ZFPM2: variants seen among roughly 807,000 people sequenced by gnomAD.
ZFPM2 encodes zinc finger protein, FOG family member 2.
A neutral mutation model predicts 98.6 loss-of-function variants in ZFPM2; 20 were observed. That is an observed-to-expected ratio of 0.20 (90% CI 0.14 to 0.29). The LOEUF is 0.29. Among genes scored for constraint, ZFPM2 ranks in the 10% least tolerant of loss-of-function variants. The pLI, the probability that ZFPM2 is intolerant of heterozygous loss-of-function variation, is 1.00. For missense variants in ZFPM2, 1,310 were observed against 1,388.6 expected, an observed-to-expected ratio of 0.94 and a Z score of 0.90; for synonymous variants, 518 against 502.7, an observed-to-expected ratio of 1.03 and a Z score of -0.41.
At chr8:105,609,638 T>C (rs72673770) in intron 4 of ZFPM2, among the ~76,000 whole-genome samples, 15,219 of 152,232 alleles carry the variant, frequency 0.1, 1,015 homozygotes, top group Middle Eastern at 0.22. Flanking sequence ...TTGGTTTAAC[T>C]GTAAAAAGAG....
intron 1 of ZFPM2, among the ~76,000 whole-genome samples, chr8:105,407,133 C>A (rs1176415472): frequency 7.1e-6 from 1 of 141,530 alleles, no homozygotes; most frequent in Admixed American, 7.2e-5. Context: ...TTTGCATTTG[C>A]TGATAGGATT....
intron 5 of ZFPM2, among the ~76,000 whole-genome samples, chr8:105,664,280 A>G (rs1472834072): frequency 1.3e-5 from 2 of 151,780 alleles, no homozygotes; most frequent in Non-Finnish European, 2.9e-5. Flanking sequence ...ATATCAAATA[A>G]TCACTTTCAT....
chr8:105,377,052 C>A (rs1317979178), intron 1 of ZFPM2, among the ~76,000 whole-genome samples: 1 of 152,166 alleles, frequency 6.6e-6, no homozygotes, highest in African/African-American at 2.4e-5. Context: ...CTCAGACATG[C>A]CATGTTTATT....
chr8:105,637,394 T>G (rs1816866308), intron 5 of ZFPM2, among the ~76,000 whole-genome samples: 1 of 152,254 alleles, frequency 6.6e-6, no homozygotes, highest in South Asian at 2.1e-4. Context: ...AAAAGCCCCA[T>G]GACCAAATAT....
intron 4 of ZFPM2, among the ~76,000 whole-genome samples, chr8:105,592,230 TTC>T (rs1361796557): frequency 6.6e-6 from 1 of 152,118 alleles, no homozygotes; most frequent in Admixed American, 6.6e-5. Context: ...TTTTTTTTCC[TTC>T]TTTTTTCCCC....
At chr8:105,647,887 A>G (rs1435020213) in intron 5 of ZFPM2, among the ~76,000 whole-genome samples, 3 of 152,180 alleles carry the variant, frequency 2.0e-5, no homozygotes, top group African/African-American at 7.2e-5. Flanking sequence ...CTTTGGGTAT[A>G]TACCCAGTAA....
At chr8:105,346,712 C>T (rs1286923630) in intron 1 of ZFPM2, among the ~76,000 whole-genome samples, 1 of 152,138 alleles carries the variant, frequency 6.6e-6, no homozygotes, top group African/African-American at 2.4e-5. Flanking sequence ...TAATTAGTTC[C>T]ATTTTGGAGA....
intron 3 of ZFPM2, among the ~76,000 whole-genome samples, chr8:105,489,466 A>ATATATATATATATATATATTTTTTTTTTT (rs1554610604): frequency 8.3e-6 from 1 of 119,810 alleles, no homozygotes; most frequent in African/African-American, 3.6e-5. Flanking sequence ...ATATATATAT[A>ATATATATATATATATATATTTTTTTTTTT]TTTTTTTTTT....
At chr8:105,744,629 A>G (rs1489309448) in intron 5 of ZFPM2, among the ~76,000 whole-genome samples, 3 of 141,538 alleles carry the variant, frequency 2.1e-5, no homozygotes, top group East Asian at 4.3e-4. Context: ...CTTTGTGTGT[A>G]TGTATATTAG....
rs1232631934 is a variant in ZFPM2, at chr8:105,801,862, G to A, written c.1780G>A (p.Ala594Thr). Residue 594 changes from alanine to threonine, a missense_variant, in exon 8 of 8, where the codon GCT becomes ACT. Transcript: ENST00000407775. ...TAGTGTGTCAGAAAAGATGCCTGAA[G>A]CTTTGAGTCCCAACACTGGCCAAAC... is the stretch of plus-strand genomic sequence containing the variant. Reference protein sequence around the residue: ...FPSVSEKMPEALSPNTGQTSI... With the variant: ...FPSVSEKMPETLSPNTGQTSI... The A allele has an allele frequency of 6.2e-7, 1 of 1,613,982 alleles. No homozygotes were observed. Among genetic ancestry groups the A allele is most frequent in the Non-Finnish European group, 8.5e-7 (1 of 1,179,884 alleles).
chr8:105,462,106 A>G (rs984581516), intron 3 of ZFPM2, among the ~76,000 whole-genome samples: 5 of 152,140 alleles, frequency 3.3e-5, no homozygotes, highest in African/African-American at 1.2e-4. Flanking sequence ...ATGTTTTAAT[A>G]AAATTTTGAG....
chr8:105,433,523 C>T (rs761950613), intron 2 of ZFPM2, among the ~76,000 whole-genome samples: 2 of 152,190 alleles, frequency 1.3e-5, no homozygotes, highest in Non-Finnish European at 2.9e-5. Flanking sequence ...CACGGTGGCT[C>T]ATGCCCGTAA....
intron 5 of ZFPM2, among the ~76,000 whole-genome samples, chr8:105,715,314 C>T (rs778568492): frequency 3.3e-5 from 5 of 150,548 alleles, no homozygotes; most frequent in Admixed American, 6.7e-5. Context: ...ACAGGAGGAT[C>T]GCTTAAGCCC....
chr8:105,360,961 T>A (rs905721662), intron 1 of ZFPM2, among the ~76,000 whole-genome samples: 17 of 147,112 alleles, frequency 1.2e-4, no homozygotes, highest in Non-Finnish European at 2.4e-4. Context: ...TATAGCAGCA[T>A]GATTTATAGT....
intron 5 of ZFPM2, among the ~76,000 whole-genome samples, chr8:105,651,360 TAGGAG>T: frequency 6.6e-6 from 1 of 151,362 alleles, no homozygotes; most frequent in East Asian, 1.9e-4. Context: ...CCCAGCTACT[TAGGAG>T]GCTGAGGCAG....
At chr8:105,601,557 A>T (rs1374159746) in intron 4 of ZFPM2, among the ~76,000 whole-genome samples, 1 of 152,072 alleles carries the variant, frequency 6.6e-6, no homozygotes. Context: ...TTATAGCCAA[A>T]TTCTTCTAAA....
chr8:105,434,235 G>A (rs946010238), intron 2 of ZFPM2, among the ~76,000 whole-genome samples: 1 of 151,666 alleles, frequency 6.6e-6, no homozygotes, highest in African/African-American at 2.4e-5. Flanking sequence ...ACAGCTGCAT[G>A]TTTTTATTTT....
chr8:105,330,542 A>C (rs561077581), intron 1 of ZFPM2, among the ~76,000 whole-genome samples: 1,060 of 80,912 alleles, frequency 0.013, 29 homozygotes, highest in African/African-American at 0.04. Context: ...CTCTCTCTAT[A>C]TATATATATA....
At chr8:105,359,560 G>A (rs1314730202) in intron 1 of ZFPM2, among the ~76,000 whole-genome samples, 1 of 151,752 alleles carries the variant, frequency 6.6e-6, no homozygotes, top group Non-Finnish European at 1.5e-5. Context: ...ATTTTTAGTA[G>A]AGATGGGGTT....
Sources: allele counts gnomAD v4.1 joint callset (sites outside exome capture counted in the v4.1 genomes callset), GRCh38; gene constraint gnomAD v4.1.1; transcripts MANE v1.5; gene names NCBI Gene and HGNC (gene_info 2026-07-23, HGNC 2026-07-21).